The following BCO2 variants were observed in gnomAD, a reference collection of about 807,000 sequenced individuals.
The protein encoded by BCO2 is carotenoid-cleaving dioxygenase, mitochondrial.
BCO2 carries 56 observed loss-of-function variants against 65.8 expected under a neutral mutation model. The observed-to-expected ratio is 0.85, with a 90% CI of 0.69 to 1.06. BCO2 has a LOEUF of 1.06. BCO2 is among the 50% of genes least tolerant of loss of function. The probability of loss-of-function intolerance (pLI) is 0.00; values close to 1 mark genes in which losing one functional copy is unlikely to be tolerated. For synonymous variants in BCO2, 233 were observed against 242.3 expected, an observed-to-expected ratio of 0.96 and a Z score of 0.36; for missense variants, 675 against 698.5, an observed-to-expected ratio of 0.97 and a Z score of 0.38.
intron 5 of BCO2, among the ~76,000 whole-genome samples, chr11:112,197,243 C>G (rs997359749): frequency 6.6e-6 from 1 of 152,084 alleles, no homozygotes; most frequent in African/African-American, 2.4e-5. Context: ...TCTCTTACAT[C>G]AGTTGATCAA....
chr11:112,215,049 C>A (rs752436374), intron 10 of BCO2, 105 bp downstream of exon 10: 2 of 1,097,330 alleles, frequency 1.8e-6, no homozygotes, highest in East Asian at 2.4e-5. Context: ...AGTATTTAAG[C>A]AGCTGAGCCA....
intron 5 of BCO2, among the ~76,000 whole-genome samples, chr11:112,196,573 G>T (rs1463811512): frequency 6.6e-6 from 1 of 152,112 alleles, no homozygotes; most frequent in Non-Finnish European, 1.5e-5. Flanking sequence ...CAATAATAGA[G>T]TACTCTTGGA....
chr11:112,212,569 A>G (rs1859542223), intron 8 of BCO2, among the ~76,000 whole-genome samples: 1 of 152,190 alleles, frequency 6.6e-6, no homozygotes, highest in African/African-American at 2.4e-5. Flanking sequence ...AAGGCACATG[A>G]GATGAAGTCT....
In BCO2 at chr11:112,200,836, G is replaced by T. The variant is rs1251012550; in HGVS notation, c.1026+63G>T. 3.2e-6 allele frequency: 5 copies of T among 1,562,928 alleles called. No individual in the cohort carries two copies. In the Admixed American group the frequency reaches 9.6e-5, roughly 30 times the overall value. Reference sequence around the variant, plus strand: ...GGAAACAAAGGCAAATTTCCATATAGTTGATTTTTTAAAAATCTTCCCTGG... The same window carrying T: ...GGAAACAAAGGCAAATTTCCATATATTTGATTTTTTAAAAATCTTCCCTGG... On this transcript the variant is annotated intron_variant, in intron 7 of 11. Transcript: ENST00000357685.
Position 112,180,762 on chromosome 11 carries a change from G to A in BCO2, c.293+1280G>A, listed in dbSNP as rs1456355845. ...GTGGTGGCCCACTCAGGACCCAGTGGGGGCAGCGTGATGAGGCGGATGACC... is the reference window on the plus strand; with the variant it reads ...GTGGTGGCCCACTCAGGACCCAGTGAGGGCAGCGTGATGAGGCGGATGACC... On this transcript the variant is annotated intron_variant, in intron 2 of 11. Transcript: ENST00000357685. 13 of 933,224 alleles carry A rather than the reference G, an allele frequency of 1.4e-5. No homozygotes were observed. The East Asian group carries it at 1.9e-4, about 14-fold the overall frequency. The allele number at this position is 933,224 out of a possible 1,614,324, so 57.8% of individuals were successfully genotyped here.
chr11:112,206,634 C>T lies in BCO2; in HGVS notation c.1194+4444C>T, dbSNP rs959035621. Among the ~76,000 whole-genome samples, 13 of 152,224 alleles carry T rather than the reference C, an allele frequency of 8.5e-5. No homozygotes were observed. In the South Asian group the frequency reaches 2.7e-3, roughly 32 times the overall value. On this transcript the variant is annotated intron_variant, in intron 8 of 11. Transcript: ENST00000357685. ...AATATACAAATTTTGAGTATAATTC[C>T]TTATTGGATATGTGGTTGCAATTTT... is the stretch of plus-strand genomic sequence containing the variant.
chr11:112,181,826 T>C, intron 2 of BCO2: 1 of 941,970 alleles, frequency 1.1e-6, no homozygotes, highest in South Asian at 1.3e-5. Context: ...GCTGTAATCT[T>C]GCACATGCAA....
intron 5 of BCO2, among the ~76,000 whole-genome samples, chr11:112,199,274 C>A (rs932078964): frequency 9.2e-5 from 14 of 152,158 alleles, no homozygotes; most frequent in Admixed American, 9.2e-4. Context: ...CATGTCCCTG[C>A]AAAGGACATG....
At chr11:112,206,111 C>T (rs554063758) in intron 8 of BCO2, among the ~76,000 whole-genome samples, 1 of 152,156 alleles carries the variant, frequency 6.6e-6, no homozygotes, top group African/African-American at 2.4e-5. Flanking sequence ...CTCCTCACAT[C>T]CTAGACGGGC....
At chr11:112,202,280 T>A in intron 8 of BCO2, 90 bp downstream of exon 8, 1 of 1,191,160 alleles carries the variant, frequency 8.4e-7, no homozygotes, top group South Asian at 1.6e-5. Flanking sequence ...TCTCTCTCTC[T>A]CTCTCTCTCT....
At chr11:112,201,328 T>C (rs1867726596) in intron 7 of BCO2, among the ~76,000 whole-genome samples, 4 of 152,066 alleles carry the variant, frequency 2.6e-5, no homozygotes, top group Non-Finnish European at 5.9e-5. Context: ...TTTTCTATTT[T>C]TAGTAGAGAC....
chr11:112,205,458 T>G (rs1867842392), intron 8 of BCO2, among the ~76,000 whole-genome samples: 1 of 152,208 alleles, frequency 6.6e-6, no homozygotes, highest in African/African-American at 2.4e-5. Context: ...ATTTTATTTT[T>G]TATTTTATTC....
chr11:112,182,522 TA>T (rs1219602747), intron 2 of BCO2, among the ~76,000 whole-genome samples: 1 of 152,062 alleles, frequency 6.6e-6, no homozygotes, highest in Non-Finnish European at 1.5e-5. Context: ...TATGCAGCCA[TA>T]AAAAAGGATG....
chr11:112,202,290 T>A, intron 8 of BCO2, 100 bp downstream of exon 8: 1 of 1,145,996 alleles, frequency 8.7e-7, no homozygotes, highest in Non-Finnish European at 1.2e-6. Flanking sequence ...TCTCTCTCTC[T>A]TTTTTCTTTT....
chr11:112,218,031 G>C lies in BCO2; in HGVS notation c.*157G>C. On this transcript the variant is annotated 3_prime_UTR_variant, in exon 12 of 12. Transcript: ENST00000357685. Reference sequence around the variant, plus strand: ...TATTGAATACTATGTTCCCTATTTGGGTGATGGGTTCGTTAGAAGTCCAAA... The same window carrying C: ...TATTGAATACTATGTTCCCTATTTGCGTGATGGGTTCGTTAGAAGTCCAAA... The C allele has an allele frequency of 1.8e-6, 1 of 568,370 alleles. No homozygotes were observed. The highest frequency in any genetic ancestry group is 3.1e-6 in the Non-Finnish European group (1 of 323,444). 35.2% of individuals were successfully genotyped at this position (568,370 alleles called of 1,614,324 possible).
At chr11:112,185,520 G>C (rs1258548170) in intron 2 of BCO2, among the ~76,000 whole-genome samples, 2 of 152,156 alleles carry the variant, frequency 1.3e-5, no homozygotes, top group Non-Finnish European at 2.9e-5. Context: ...GAGGCTAGGG[G>C]AAGCATGTAC....
At position 112,214,910 on chromosome 11, in the gene BCO2, T is replaced by C. The variant is rs1592869388; in HGVS notation, c.1481T>C (p.Leu494Pro). Reference protein sequence around the residue: ...CGFRHLVGDSLIKVDVVNKTL... With the variant: ...CGFRHLVGDSPIKVDVVNKTL... ...TTTCGGCATTTAGTGGGGGATTCTC[T>C]GATCAAGGTTGATGTGGTGAATAAG... Residue 494 changes from leucine (L) to proline (P), a missense_variant, in exon 10 of 12, where the codon CTG (leucine) becomes CCG (proline). Physicochemically the swap from Leu to Pro is moderately conservative, Grantham distance 98 (BLOSUM62 -3). Transcript: ENST00000357685. 6.2e-7 allele frequency: 1 copy of C among 1,614,228 alleles called. No individual in the cohort carries two copies. Among genetic ancestry groups the C allele is most frequent in the Middle Eastern group, 1.6e-4 (1 of 6,062 alleles).
Position 112,202,040 on chromosome 11 carries a change from C to T in BCO2, c.1044C>T (p.Tyr348=). 1 of 1,600,010 alleles carries T rather than the reference C, an allele frequency of 6.2e-7. No homozygotes were observed. The highest frequency in any genetic ancestry group is 1.3e-5 in the African/African-American group (1 of 74,090). ...KRTGQLLPGR[Y]YSKPFVTFHQ... ...CCCTGCAGCTCCTTCCAGGGAGATACTACAGCAAACCTTTTGTTACATTTC... is the reference window on the plus strand; with the variant it reads ...CCCTGCAGCTCCTTCCAGGGAGATATTACAGCAAACCTTTTGTTACATTTC... Residue 348 remains tyrosine (Y), a synonymous_variant, in exon 8 of 12, where the codon TAC becomes TAT. Transcript: ENST00000357685.
chr11:112,196,400 T>C (rs1867575304), intron 5 of BCO2, among the ~76,000 whole-genome samples: 1 of 152,198 alleles, frequency 6.6e-6, no homozygotes, highest in African/African-American at 2.4e-5. Context: ...AGTAAAATGC[T>C]TGCTAGTAAT....
Sources: gnomAD v4.1 joint callset for allele counts (sites outside exome capture counted in the v4.1 genomes callset) on GRCh38, gnomAD v4.1.1 for gene constraint, MANE v1.5 for transcripts, NCBI Gene and HGNC (gene_info 2026-07-23, HGNC 2026-07-21) for gene names.